Variants in KRT17 observed in about 807,000 individuals in gnomAD.
KRT17 encodes the protein keratin 17.
Under a neutral mutation model 45.6 loss-of-function variants are expected in KRT17, and 29 were observed. The ratio of observed to expected loss-of-function variants is 0.64; its 90% CI spans 0.47 to 0.87. The LOEUF (loss-of-function observed/expected upper bound fraction) is 0.87, where lower values mean the gene tolerates loss of function less well. KRT17 is among the 40% of genes least tolerant of loss of function. The probability of loss-of-function intolerance (pLI) is 0.00; values close to 1 mark genes in which losing one functional copy is unlikely to be tolerated. For synonymous variants in KRT17, 219 were observed against 234.6 expected (o/e 0.93, Z 0.61); for missense variants, 536 against 577.8 (o/e 0.93, Z 0.74).
Position 41,620,862 on chromosome 17 carries a change from G to A in KRT17, c.978C>T (p.Gly326=). ...AGCGGTTCTCTGTCTCCGCCAGGTT[G>A]CCCTCCAGGGATGCTTTCTGCAGGA... is the stretch of plus-strand genomic sequence containing the variant. ...SQLSMKASLE[G]NLAETENRYC... is the part of the protein sequence containing the mutation. Residue 326 remains glycine (G), a synonymous_variant, in exon 6 of 8, where the codon GGC becomes GGT. Coordinates refer to ENST00000311208, the MANE Select transcript of KRT17 (RefSeq NM_000422.3). 1 of 1,613,960 alleles carries A rather than the reference G, an allele frequency of 6.2e-7. No homozygotes were observed. The highest frequency in any genetic ancestry group is 1.1e-5 in the South Asian group (1 of 91,074).
In KRT17 at chr17:41,620,795, C is replaced by T. The variant is rs142267571; in HGVS notation, c.1045G>A (p.Val349Met). The T allele has an allele frequency of 3.6e-4, 582 of 1,613,122 alleles. 7 individuals are homozygous for T. In the East Asian group the frequency reaches 0.011, roughly 32 times the overall value. The change falls in exon 6 of 8, where the codon GTG becomes ATG. Residue 349 changes from valine (V) to methionine (M), a missense_variant. Physicochemically the swap from Val to Met is conservative, Grantham distance 21 (BLOSUM62 1). Coordinates refer to ENST00000311208, the MANE Select transcript of KRT17 (RefSeq NM_000422.3). Reference sequence around the variant, plus strand: ...CGAAGCTGGGCCAGCTGCTCCTCCACGCTGCCAATCAGCCCCTGGATCTGG... The same window carrying T: ...CGAAGCTGGGCCAGCTGCTCCTCCATGCTGCCAATCAGCCCCTGGATCTGG... The part of the protein sequence containing the change: ...LSQIQGLIGS[V>M]EEQLAQLRCE...
chr17:41,620,089 T>A (rs751564766), intron 7 of KRT17: 201 of 985,300 alleles, frequency 2.0e-4, no homozygotes, highest in Admixed American at 3.7e-4. Flanking sequence ...TCCATTAGAC[T>A]AGGAACCCTA....
chr17:41,620,452 T>C (rs1357002375), intron 7 of KRT17, 84 bp downstream of exon 7: 51 of 1,610,656 alleles, frequency 3.2e-5, no homozygotes, highest in Non-Finnish European at 4.2e-5. Context: ...CTGGAGCTCC[T>C]GGGGACCCTG....
In KRT17 at chr17:41,624,536, C is replaced by T; in HGVS notation, c.-27G>A. ...GTGGCGGCGGCAGGAGGCAGGCACA[C>T]AGGAGAAGGGCTGGAGAGGAGAGGG... On this transcript the variant is annotated 5_prime_UTR_variant, in exon 1 of 8. In the 5' UTR this introduces an upstream ATG that the reference lacks. Coordinates refer to ENST00000311208, the MANE Select transcript of KRT17 (RefSeq NM_000422.3). The T allele has an allele frequency of 1.9e-6, 3 of 1,601,958 alleles. No individual in the cohort carries two copies. The highest frequency in any genetic ancestry group is 1.7e-6 in the Non-Finnish European group (2 of 1,173,436).
chr17:41,622,289 T>C, intron 3 of KRT17, 66 bp downstream of exon 3: 5 of 1,603,814 alleles, frequency 3.1e-6, no homozygotes, highest in Non-Finnish European at 4.3e-6. Context: ...CCTCAGCCAT[T>C]GCCCAGCCCC....
chr17:41,623,072 T>C, intron 1 of KRT17, 40 bp from the exon 2 acceptor site: 1 of 1,481,912 alleles, frequency 6.7e-7, no homozygotes, highest in Non-Finnish European at 9.4e-7. Context: ...TGGATGGGGG[T>C]GGCTGAGCCC....
At chr17:41,621,556 C>A (rs1406705733) in intron 4 of KRT17, 37 bp downstream of exon 4, 4 of 1,611,774 alleles carry the variant, frequency 2.5e-6, no homozygotes, top group Non-Finnish European at 3.4e-6. Flanking sequence ...TGAGCCCCAG[C>A]CCCTAAGAGA....
chr17:41,623,335 G>C (rs1908611469), intron 1 of KRT17: 1 of 373,380 alleles, frequency 2.7e-6, no homozygotes, highest in African/African-American at 2.1e-5. Flanking sequence ...CAGGGCAGAA[G>C]CTGTCCCAGA....
chr17:41,622,145 T>C (rs1908564084), intron 3 of KRT17: 1 of 679,728 alleles, frequency 1.5e-6, no homozygotes, highest in Admixed American at 2.4e-5. Flanking sequence ...GGGAGGTTCC[T>C]TGTGTACAGA....
At chr17:41,622,104 G>C (rs1272164573) in intron 3 of KRT17, 1 of 608,232 alleles carries the variant, frequency 1.6e-6, no homozygotes, top group East Asian at 2.9e-5. Flanking sequence ...GAGGGAGGCA[G>C]GGTAGGTAGA....
At chr17:41,620,496 T>G in intron 7 of KRT17, 40 bp downstream of exon 7, 1 of 1,611,754 alleles carries the variant, frequency 6.2e-7, no homozygotes, top group Non-Finnish European at 8.5e-7. Flanking sequence ...GCCTGTCCCA[T>G]GCACCCAACC....
chr17:41,623,234 C>A (rs538802584), intron 1 of KRT17: 68 of 557,310 alleles, frequency 1.2e-4, no homozygotes, highest in African/African-American at 1.0e-3. Context: ...CTCAGTACCC[C>A]ACCAGACCCC....
At chr17:41,620,456 G>A in intron 7 of KRT17, 80 bp downstream of exon 7, 1 of 1,611,468 alleles carries the variant, frequency 6.2e-7, no homozygotes, top group Non-Finnish European at 8.5e-7. Flanking sequence ...AGCTCCTGGG[G>A]ACCCTGCCCC....
rs182165448 is a variant in KRT17 at position 41,622,439 on chromosome 17, C to T, written c.588G>A (p.Glu196=). The T allele has an allele frequency of 2.5e-6, 4 of 1,614,106 alleles. No individual in the cohort carries two copies. The Admixed American group carries it at 5.0e-5, about 20-fold the overall frequency. Reference sequence around the variant, plus strand: ...CCAGGTCGGCTCTGGCCAGGGTCAGCTCATCCAGCACCCTGCGCAGGCCAT... The same window carrying T: ...CCAGGTCGGCTCTGGCCAGGGTCAGTTCATCCAGCACCCTGCGCAGGCCAT... ...DINGLRRVLD[E]LTLARADLEM... is the part of the protein sequence containing the mutation. The change falls in exon 3 of 8, where the codon GAG becomes GAA. Residue 196 remains glutamate (E), a synonymous_variant. Coordinates refer to ENST00000311208, the MANE Select transcript of KRT17 (RefSeq NM_000422.3).
rs535421618 is a variant in KRT17, at chr17:41,620,419, T to G, written c.1204+117A>C. 58 of 1,607,642 alleles carry G rather than the reference T, an allele frequency of 3.6e-5. 1 individual carries two copies. Among genetic ancestry groups the G allele is most frequent in the Admixed American group, 2.9e-4 (17 of 58,528 alleles). On this transcript the variant is annotated intron_variant, in intron 7 of 7. Coordinates refer to ENST00000311208, the MANE Select transcript of KRT17 (RefSeq NM_000422.3). ...TCAGTGCTAATGAGTCACTTCTCCC[T>G]GCTGAGGGACAGCCATCAACTCCTG...
At chr17:41,622,140 G>T (rs1908563636) in intron 3 of KRT17, 4 of 662,458 alleles carry the variant, frequency 6.0e-6, no homozygotes, top group South Asian at 5.6e-5. Flanking sequence ...CCCCTGGGAG[G>T]TTCCTTGTGT....
At position 41,619,621 on chromosome 17, in the gene KRT17, G is replaced by A. The variant is rs575174355; in HGVS notation, c.1272C>T (p.Arg424=). 3.4e-5 allele frequency: 55 copies of A among 1,612,200 alleles called. No homozygotes were observed. The highest frequency in any genetic ancestry group is 2.3e-4 in the Middle Eastern group (1 of 4,438). The change falls in exon 8 of 8, where the codon CGC becomes CGT. Residue 424 remains arginine, a synonymous_variant. Coordinates refer to ENST00000311208, the MANE Select transcript of KRT17 (RefSeq NM_000422.3). Reference sequence around the variant, plus strand: ...AGCGGGTGGTCTGGTGGACCTGCTCGCGGGAGGAGATGACCTTGCCATCCT... The same window carrying A: ...AGCGGGTGGTCTGGTGGACCTGCTCACGGGAGGAGATGACCTTGCCATCCT... ...EVQDGKVISS[R]EQVHQTTR
intron 1 of KRT17, chr17:41,623,389 C>G (rs1908613603): frequency 6.3e-6 from 2 of 318,990 alleles, no homozygotes; most frequent in East Asian, 7.8e-5. Context: ...CCTCGTTTTA[C>G]AGTCAGCTAG....
At chr17:41,621,219 C>T (rs1908531156) in intron 4 of KRT17, 128 bp from the exon 5 acceptor site, 1 of 1,231,750 alleles carries the variant, frequency 8.1e-7, no homozygotes, top group African/African-American at 1.5e-5. Flanking sequence ...AGCCCAGAAA[C>T]ATGCCATTTG....
Sources: gnomAD v4.1 joint callset for allele counts on GRCh38, gnomAD v4.1.1 for gene constraint, MANE v1.5 for transcripts, NCBI Gene and HGNC (gene_info 2026-07-23, HGNC 2026-07-21) for gene names.